The following KDM7A variants were observed in gnomAD, a reference collection of about 807,000 sequenced individuals.
KDM7A encodes lysine-specific demethylase 7A.
A neutral mutation model predicts 114.8 loss-of-function variants in KDM7A; 28 were observed. The observed-to-expected ratio is 0.24, with a 90% CI of 0.18 to 0.33. KDM7A has a LOEUF of 0.33. KDM7A is among the 10% of genes least tolerant of loss of function. The pLI, the probability that KDM7A is intolerant of heterozygous loss-of-function variation, is 1.00. For missense variants in KDM7A, 942 were observed against 1,142.5 expected (o/e 0.82, Z 2.53); for synonymous variants, 423 against 397.8 (o/e 1.06, Z -0.75).
intron 1 of KDM7A, among the ~76,000 whole-genome samples, chr7:140,153,655 A>T (rs1036027181): frequency 6.6e-6 from 1 of 152,238 alleles, no homozygotes; most frequent in Non-Finnish European, 1.5e-5. Context: ...AAAAACAGTA[A>T]AACTAATACT....
chr7:140,100,493 G>T (rs898652996), intron 12 of KDM7A, among the ~76,000 whole-genome samples: 1 of 151,838 alleles, frequency 6.6e-6, no homozygotes, highest in African/African-American at 2.4e-5. Flanking sequence ...CATAAAGGCA[G>T]TAGCTGGGTT....
At position 140,176,734 on chromosome 7, in the gene KDM7A, G is replaced by T. The variant is rs916944926; in HGVS notation, c.194+10C>A. On this transcript the variant is annotated intron_variant, in intron 1 of 19. Transcript: ENST00000397560. This position sits in a 1 kb window ranked among gnomAD's most constrained non-coding sequence, Gnocchi z 4.4. The stretch of plus-strand genomic sequence containing the variant: ...GGTGGCGGCTGCGGGGCTGGAGGGG[G>T]TTTATTTACCTGCCGTGGAACCAGT... 2 of 1,322,606 alleles carry T rather than the reference G, an allele frequency of 1.5e-6. No homozygotes were observed. The highest frequency in any genetic ancestry group is 2.0e-6 in the Non-Finnish European group (2 of 1,008,282). The allele number at this position is 1,322,606 out of a possible 1,614,324, so 81.9% of individuals were successfully genotyped here. A position where few individuals can be genotyped will look rare whatever the true frequency, so the allele number is the denominator to read the frequency against.
At chr7:140,144,873 A>T (rs1794323855) in intron 1 of KDM7A, among the ~76,000 whole-genome samples, 1 of 152,122 alleles carries the variant, frequency 6.6e-6, no homozygotes, top group Non-Finnish European at 1.5e-5. Flanking sequence ...GATCTGGTTT[A>T]AAAATGTATA....
chr7:140,140,630 T>C (rs1192964635), intron 1 of KDM7A, among the ~76,000 whole-genome samples: 1 of 151,124 alleles, frequency 6.6e-6, no homozygotes, highest in Non-Finnish European at 1.5e-5. Context: ...AAAAATTAGC[T>C]GGGCACGATG....
intron 1 of KDM7A, among the ~76,000 whole-genome samples, chr7:140,157,931 T>G (rs912478269): frequency 4.0e-5 from 6 of 150,088 alleles, no homozygotes; most frequent in African/African-American, 1.5e-4. Context: ...ATCACACCAC[T>G]GCACTCCAGC....
chr7:140,119,240 T>G, intron 8 of KDM7A, 21 bp from the exon 9 acceptor site: 2 of 1,329,912 alleles, frequency 1.5e-6, no homozygotes, highest in Non-Finnish European at 2.1e-6. Flanking sequence ...TTGAAGAAAT[T>G]TTTAATATTA....
intron 11 of KDM7A, among the ~76,000 whole-genome samples, chr7:140,109,458 C>T (rs1370781279): frequency 6.6e-6 from 1 of 152,164 alleles, no homozygotes; most frequent in Non-Finnish European, 1.5e-5. Context: ...TGAGTATGTC[C>T]CACACTTTAT....
At chr7:140,138,727 T>C (rs1439346728) in intron 2 of KDM7A, among the ~76,000 whole-genome samples, 1 of 152,234 alleles carries the variant, frequency 6.6e-6, no homozygotes, top group Non-Finnish European at 1.5e-5. Context: ...TGCATTAAAG[T>C]CTTATTCTGT....
intron 11 of KDM7A, among the ~76,000 whole-genome samples, chr7:140,110,598 A>G (rs946859950): frequency 2.6e-5 from 4 of 152,186 alleles, no homozygotes; most frequent in Non-Finnish European, 5.9e-5. Flanking sequence ...AACACCGAGA[A>G]TAGCTCTCAA....
chr7:140,111,060 T>C (rs1562949080), intron 11 of KDM7A, 35 bp downstream of exon 11: 1 of 1,159,314 alleles, frequency 8.6e-7, no homozygotes, highest in Non-Finnish European at 1.3e-6. Context: ...AAGCAGATAA[T>C]AATCAAGCAT....
chr7:140,119,153 T>A lies in KDM7A; in HGVS notation c.1206A>T (p.Ile402=). The change falls in exon 9 of 20, where the codon ATA becomes ATT. Residue 402 remains isoleucine, a synonymous_variant. Transcript: ENST00000397560. ...DLFKFPFFEA[I]CWFVAKNLLE... is the part of the protein sequence containing the mutation. ...GCAAGTTTTTGGCTACAAACCAACA[T>A]ATGGCTTCAAAGAAAGGGAATTTGA... The A allele has an allele frequency of 6.2e-7, 1 of 1,609,056 alleles. No individual in the cohort carries two copies. Among genetic ancestry groups the A allele is most frequent in the Non-Finnish European group, 8.5e-7 (1 of 1,176,688 alleles).
chr7:140,110,831 A>G (rs1818418445), intron 11 of KDM7A, among the ~76,000 whole-genome samples: 1 of 152,032 alleles, frequency 6.6e-6, no homozygotes. Flanking sequence ...TACTGTTTAT[A>G]CTCTGTATTT....
intron 1 of KDM7A, among the ~76,000 whole-genome samples, chr7:140,170,705 A>G (rs764493263): frequency 2.3e-4 from 35 of 152,380 alleles, no homozygotes; most frequent in Middle Eastern, 3.4e-3. Context: ...ACATTCGATA[A>G]GTGAGATTCG....
chr7:140,102,222 T>TA (rs967619846), intron 11 of KDM7A, 62 bp from the exon 12 acceptor site: 3 of 1,131,096 alleles, frequency 2.7e-6, no homozygotes, highest in Non-Finnish European at 4.0e-6. Flanking sequence ...CGTGACTAAA[T>TA]AATCATCCAT....
intron 9 of KDM7A, 126 bp from the exon 10 acceptor site, chr7:140,113,708 TAA>T (rs1161074929): frequency 2.1e-6 from 1 of 468,208 alleles, no homozygotes; most frequent in African/African-American, 2.0e-5. Context: ...AATAAAAATA[TAA>T]AAAGTGAAAT....
chr7:140,146,927 G>A (rs1794345607), intron 1 of KDM7A, among the ~76,000 whole-genome samples: 2 of 152,052 alleles, frequency 1.3e-5, no homozygotes, highest in South Asian at 4.2e-4. Flanking sequence ...TACTCTTGGT[G>A]TTAGAAGAGT....
At chr7:140,170,373 T>C (rs1794625756) in intron 1 of KDM7A, among the ~76,000 whole-genome samples, 1 of 152,242 alleles carries the variant, frequency 6.6e-6, no homozygotes, top group Non-Finnish European at 1.5e-5. Context: ...GTCTCACCTA[T>C]GCACCCCTGA....
chr7:140,166,841 A>C (rs1180402581), intron 1 of KDM7A, among the ~76,000 whole-genome samples: 2 of 152,224 alleles, frequency 1.3e-5, no homozygotes, highest in Non-Finnish European at 1.5e-5. Context: ...AGAAGTACTA[A>C]AACTCTCTAT....
intron 1 of KDM7A, among the ~76,000 whole-genome samples, chr7:140,164,030 A>G (rs1217101399): frequency 6.6e-6 from 1 of 152,204 alleles, no homozygotes; most frequent in Non-Finnish European, 1.5e-5. Context: ...AAAAAGAGAA[A>G]CAACCAGACA....
Sources: allele counts gnomAD v4.1 joint callset (sites outside exome capture counted in the v4.1 genomes callset), GRCh38; gene constraint gnomAD v4.1.1; non-coding constraint Gnocchi (gnomAD v3.1); transcripts MANE v1.5; gene names NCBI Gene and HGNC (gene_info 2026-07-23, HGNC 2026-07-21).